The following GPHN variants were observed in gnomAD, a reference collection of about 807,000 sequenced individuals.
GPHN encodes gephyrin.
A neutral mutation model predicts 95.5 loss-of-function variants in GPHN; 17 were observed. The ratio of observed to expected loss-of-function variants is 0.18; its 90% CI spans 0.12 to 0.27. The LOEUF (loss-of-function observed/expected upper bound fraction) is 0.27. Ranked by LOEUF, GPHN falls within the 10% of genes least tolerant of loss-of-function variation. The pLI is 1.00. For missense variants in GPHN, 660 were observed against 978.1 expected (o/e 0.67, Z 4.34); for synonymous variants, 320 against 322.5 (o/e 0.99, Z 0.08).
downstream of GPHN, among the ~76,000 whole-genome samples, chr14:67,182,534 G>A (rs1489046607): frequency 3.3e-5 from 5 of 152,090 alleles, no homozygotes; most frequent in Non-Finnish European, 7.4e-5. Context: ...AGTTAATAGA[G>A]GTCAAATGAA....
At chr14:67,070,327 TTTTA>T (rs111458222) in intron 11 of GPHN, among the ~76,000 whole-genome samples, 9,851 of 94,854 alleles carry the variant, frequency 0.1, 344 homozygotes, top group African/African-American at 0.26. Flanking sequence ...TTTTAAATAT[TTTTA>T]TATATATATA....
chr14:67,226,374 T>A, the GPHN span, among the ~76,000 whole-genome samples: 1 of 151,648 alleles, frequency 6.6e-6, no homozygotes, highest in African/African-American at 2.4e-5. Flanking sequence ...TTTGTTTTGT[T>A]TTTTTGAGAC....
the GPHN span, among the ~76,000 whole-genome samples, chr14:67,349,394 T>C: frequency 6.6e-6 from 1 of 152,252 alleles, no homozygotes; most frequent in Admixed American, 6.5e-5. Context: ...GCTACATGGA[T>C]ATAACTTTAA....
the GPHN span, among the ~76,000 whole-genome samples, chr14:67,247,016 A>AT: frequency 6.6e-6 from 1 of 152,168 alleles, no homozygotes; most frequent in East Asian, 1.9e-4. Context: ...CTTTTTCAAA[A>AT]TTGTTATGAC....
the GPHN span, among the ~76,000 whole-genome samples, chr14:67,236,302 A>G: frequency 6.6e-6 from 1 of 152,160 alleles, no homozygotes; most frequent in Non-Finnish European, 1.5e-5. Context: ...TATTGTGAGT[A>G]CTTTCAGAGC....
At chr14:67,600,396 T>G in the GPHN span, 1 of 539,070 alleles carries the variant, frequency 1.9e-6, no homozygotes, top group Admixed American at 3.8e-5. Flanking sequence ...CGGCCTTGAC[T>G]GTCTTCGAAA....
At chr14:66,610,154 T>A (rs571404481) in intron 1 of GPHN, among the ~76,000 whole-genome samples, 21 of 152,294 alleles carry the variant, frequency 1.4e-4, no homozygotes, top group Non-Finnish European at 2.6e-4. Flanking sequence ...TTTTTATTTG[T>A]GAGTAGATTC....
the GPHN span, among the ~76,000 whole-genome samples, chr14:67,633,939 C>T: frequency 2.3e-3 from 344 of 152,330 alleles, no homozygotes; most frequent in Non-Finnish European, 3.0e-3. Context: ...TCCCGCCACA[C>T]CCTTTGTACA....
At chr14:66,923,067 A>G in intron 7 of GPHN, 129 bp downstream of exon 7, 3 of 784,444 alleles carry the variant, frequency 3.8e-6, no homozygotes, top group Non-Finnish European at 6.6e-6. Context: ...AATAAGTGGG[A>G]TGTCCATGAC....
At chr14:67,729,757 A>G in the GPHN span, 1 of 506,548 alleles carries the variant, frequency 2.0e-6, no homozygotes, top group East Asian at 5.3e-5. Flanking sequence ...ACAAAGTGCT[A>G]GGGGAACGTC....
At chr14:66,540,360 C>A (rs979814001) in intron 1 of GPHN, among the ~76,000 whole-genome samples, 5 of 152,176 alleles carry the variant, frequency 3.3e-5, no homozygotes, top group African/African-American at 7.2e-5. Context: ...AGGGATGTTA[C>A]TCTTATGGGA....
intron 8 of GPHN, among the ~76,000 whole-genome samples, chr14:66,928,293 A>G (rs1398267549): frequency 4.6e-5 from 7 of 152,270 alleles, no homozygotes; most frequent in South Asian, 4.1e-4. Context: ...CACTACTTCT[A>G]GGTTTTCCAA....
the GPHN span, among the ~76,000 whole-genome samples, chr14:67,528,789 C>T: frequency 6.6e-6 from 1 of 152,156 alleles, no homozygotes; most frequent in African/African-American, 2.4e-5. Flanking sequence ...GGCAGTTGCT[C>T]TCTGAGAAAA....
chr14:67,139,491 A>G lies in GPHN; in HGVS notation c.1749-3871A>G, dbSNP rs141476132. Among the ~76,000 whole-genome samples the G allele has an allele frequency of 3.3e-5, 5 of 152,206 alleles. No individual in the cohort carries two copies. In the East Asian group the frequency reaches 5.8e-4, roughly 18 times the overall value. Reference sequence around the variant, plus strand: ...TTACATGCCTTTAAAAAACTACACAATCACTTCTGATTAGGCAGGGAGTGG... The same window carrying G: ...TTACATGCCTTTAAAAAACTACACAGTCACTTCTGATTAGGCAGGGAGTGG... On this transcript the variant is annotated intron_variant, in intron 17 of 22. Transcript: ENST00000478722.
At chr14:67,678,189 C>CA in the GPHN span, 1 of 625,460 alleles carries the variant, frequency 1.6e-6, no homozygotes, top group South Asian at 1.9e-5. Flanking sequence ...AACTGGACAC[C>CA]AAGCAGGCAA....
intron 13 of GPHN, among the ~76,000 whole-genome samples, chr14:67,107,563 C>T (rs1156298806): frequency 4.6e-5 from 7 of 152,236 alleles, no homozygotes; most frequent in South Asian, 2.1e-4. Flanking sequence ...AGGGTATGGC[C>T]GCAGCTCAGG....
Position 66,814,263 on chromosome 14 carries a change from A to C in GPHN, c.202-10211A>C, listed in dbSNP as rs1452482596. On this transcript the variant is annotated intron_variant, in intron 3 of 22. Transcript: ENST00000478722. ...TTTGAGGGGCACAGAGAAGGCACCCAGATCTATGATGGTCAGCACCCTGCC... is the reference window on the plus strand; with the variant it reads ...TTTGAGGGGCACAGAGAAGGCACCCCGATCTATGATGGTCAGCACCCTGCC... 4.6e-5 allele frequency among the ~76,000 whole-genome samples: 7 copies of C among 152,282 alleles called. No homozygotes were observed. The South Asian group carries it at 1.5e-3, about 32-fold the overall frequency.
At chr14:66,993,596 A>G (rs2071578377) in intron 9 of GPHN, among the ~76,000 whole-genome samples, 1 of 152,194 alleles carries the variant, frequency 6.6e-6, no homozygotes, top group Non-Finnish European at 1.5e-5. Flanking sequence ...GAAAAGATAC[A>G]CTGACATGAT....
chr14:66,624,870 T>C (rs2063459042), intron 1 of GPHN, among the ~76,000 whole-genome samples: 1 of 152,210 alleles, frequency 6.6e-6, no homozygotes, highest in South Asian at 2.1e-4. Context: ...AGTGTTGGGC[T>C]CTTGCCAGTT....
Sources: allele counts gnomAD v4.1 joint callset (sites outside exome capture counted in the v4.1 genomes callset), GRCh38; gene constraint gnomAD v4.1.1; transcripts MANE v1.5; gene names NCBI Gene and HGNC (gene_info 2026-07-23, HGNC 2026-07-21).